The following DYM variants were observed in gnomAD, a reference collection of about 807,000 sequenced individuals.
The protein encoded by DYM is dymeclin.
Under a neutral mutation model 93.1 loss-of-function variants are expected in DYM, and 78 were observed. The observed-to-expected ratio is 0.84, with a 90% CI of 0.70 to 1.01. The LOEUF (loss-of-function observed/expected upper bound fraction) is 1.01, where lower values mean the gene tolerates loss of function less well. Ranked by LOEUF, DYM falls within the 50% of genes least tolerant of loss-of-function variation. The pLI is 0.00. For synonymous variants in DYM, 321 were observed against 319.7 expected (o/e 1.00, Z -0.04); for missense variants, 789 against 845.0 (o/e 0.93, Z 0.82).
intron 7 of DYM, 31 bp from the exon 8 acceptor site, chr18:49,332,037 A>T (rs1261145765): frequency 6.2e-7 from 1 of 1,602,232 alleles, no homozygotes; most frequent in Non-Finnish European, 8.5e-7. Flanking sequence ...AATCAAACTC[A>T]TATTTATGGG....
intron 16 of DYM, among the ~76,000 whole-genome samples, chr18:49,115,422 G>C (rs1245278784): frequency 6.6e-6 from 1 of 152,158 alleles, no homozygotes; most frequent in Non-Finnish European, 1.5e-5. Context: ...TTTACTGCAG[G>C]TGTATATTAG....
At chr18:49,299,129 CACGG>C (rs1350031133) in intron 8 of DYM, among the ~76,000 whole-genome samples, 2 of 152,070 alleles carry the variant, frequency 1.3e-5, no homozygotes, top group South Asian at 2.1e-4. Flanking sequence ...CAAAATGGTA[CACGG>C]ATCAATGATG....
intron 6 of DYM, among the ~76,000 whole-genome samples, chr18:49,361,056 G>A (rs567262650): frequency 6.6e-6 from 1 of 152,208 alleles, no homozygotes; most frequent in Non-Finnish European, 1.5e-5. Context: ...ATGTCACATG[G>A]TCACATGGAA....
At chr18:49,271,630 C>A (rs2094701636) in intron 11 of DYM, among the ~76,000 whole-genome samples, 1 of 151,416 alleles carries the variant, frequency 6.6e-6, no homozygotes, top group African/African-American at 2.4e-5. Context: ...CCTTGTACTT[C>A]TATACAAGTT....
chr18:49,255,373 G>C (rs2094371029), intron 13 of DYM, among the ~76,000 whole-genome samples: 1 of 151,890 alleles, frequency 6.6e-6, no homozygotes, highest in Non-Finnish European at 1.5e-5. Context: ...GTGAAACCCT[G>C]TCTTTAAAAA....
chr18:49,063,402 A>C (rs1391907479), intron 17 of DYM, among the ~76,000 whole-genome samples: 1 of 151,880 alleles, frequency 6.6e-6, no homozygotes, highest in Non-Finnish European at 1.5e-5. Flanking sequence ...ATATATGAAC[A>C]GAACTAAAGA....
chr18:49,420,405 G>A (rs983796098), intron 2 of DYM, among the ~76,000 whole-genome samples: 2 of 152,102 alleles, frequency 1.3e-5, no homozygotes, highest in African/African-American at 4.8e-5. Context: ...CTGAATTCAG[G>A]TGATCCACCT....
intron 17 of DYM, among the ~76,000 whole-genome samples, chr18:49,080,786 G>A (rs1217259746): frequency 6.7e-6 from 1 of 150,220 alleles, no homozygotes; most frequent in Non-Finnish European, 1.5e-5. Context: ...TTCTCAGACG[G>A]GGCGGATGCC....
intron 2 of DYM, among the ~76,000 whole-genome samples, chr18:49,407,998 A>G (rs77562127): frequency 0.092 from 13,709 of 148,680 alleles, 846 homozygotes; most frequent in East Asian, 0.32. Flanking sequence ...AAGAGGCTGA[A>G]GGGGGAGGAC....
At chr18:49,344,241 G>C (rs532248024) in intron 6 of DYM, among the ~76,000 whole-genome samples, 1 of 152,156 alleles carries the variant, frequency 6.6e-6, no homozygotes, top group East Asian at 1.9e-4. Context: ...AGAAACATGT[G>C]GGCAAAATGC....
chr18:49,394,417 G>A (rs1363400570), intron 2 of DYM, among the ~76,000 whole-genome samples: 1 of 152,076 alleles, frequency 6.6e-6, no homozygotes, highest in African/African-American at 2.4e-5. Context: ...GTACCATGCT[G>A]TTTTGGTTAC....
chr18:49,121,771 T>G (rs1195493451), intron 15 of DYM, among the ~76,000 whole-genome samples: 1 of 152,184 alleles, frequency 6.6e-6, no homozygotes, highest in Non-Finnish European at 1.5e-5. Flanking sequence ...CTAAATGTAG[T>G]GGCATCATTA....
chr18:49,378,575 C>A lies in DYM; in HGVS notation c.413G>T (p.Gly138Val), dbSNP rs1352240260. The A allele has an allele frequency of 1.9e-6, 3 of 1,610,142 alleles. No individual in the cohort carries two copies. Among genetic ancestry groups the A allele is most frequent in the Admixed American group, 3.3e-5 (2 of 59,982 alleles). Residue 138 changes from glycine (G) to valine (V), a missense_variant, in exon 5 of 18, where the codon GGC becomes GTC. By Grantham distance (109) the Gly-to-Val change is moderately radical. Coordinates refer to ENST00000675505, the MANE Select transcript of DYM (RefSeq NM_001353214.3). The part of the protein sequence containing the change: ...LHFTYEEKSP[G>V]NYSSDSEDLL... ...TTAAAAACAATACTTACTGTAATTG[C>A]CAGGAGATTTTTCTTCATAAGTAAA...
At chr18:49,236,341 G>A (rs2093860707) in intron 13 of DYM, among the ~76,000 whole-genome samples, 1 of 152,048 alleles carries the variant, frequency 6.6e-6, no homozygotes, top group Non-Finnish European at 1.5e-5. Flanking sequence ...TTAGCAGGGT[G>A]TGGTGGCAGG....
intron 2 of DYM, among the ~76,000 whole-genome samples, chr18:49,404,356 T>C (rs1464808942): frequency 6.6e-6 from 1 of 152,246 alleles, no homozygotes; most frequent in African/African-American, 2.4e-5. Context: ...GTCTTTGCTA[T>C]TGCAAATACT....
intron 13 of DYM, among the ~76,000 whole-genome samples, chr18:49,218,765 G>A (rs2093203702): frequency 6.6e-6 from 1 of 152,132 alleles, no homozygotes; most frequent in Non-Finnish European, 1.5e-5. Flanking sequence ...AGTGTGTAGA[G>A]GGAAATTTAT....
chr18:49,166,044 T>C (rs2087821156), intron 14 of DYM, among the ~76,000 whole-genome samples: 1 of 152,202 alleles, frequency 6.6e-6, no homozygotes, highest in African/African-American at 2.4e-5. Flanking sequence ...ATTTTATTTT[T>C]CTGGGTCTTC....
At position 49,163,783 on chromosome 18, in the gene DYM, A is replaced by G. The variant is rs760386034; in HGVS notation, c.1630T>C (p.Phe544Leu). Residue 544 changes from phenylalanine to leucine, a missense_variant, in exon 15 of 18, where the codon TTT (phenylalanine) becomes CTT (leucine). Physicochemically the swap from Phe to Leu is conservative, Grantham distance 22. Around this residue, in one of 3 missense-constraint regions of DYM, gnomAD observed 225 missense variants for 303.0 expected, o/e 0.74. Transcript: ENST00000675505. ...TTGTGTTTTTTAGACAGCAAAGAAA[A>G]TAAACTGGAAAAACAAACAAAAAAC... ...HILRSYASSL[F>L]SLLSKKHNKV... The G allele has an allele frequency of 6.2e-7, 1 of 1,604,242 alleles. No homozygotes were observed. Among genetic ancestry groups the G allele is most frequent in the Non-Finnish European group, 8.5e-7 (1 of 1,173,682 alleles).
chr18:49,125,548 C>T (rs1216928112), intron 15 of DYM, among the ~76,000 whole-genome samples: 1 of 152,108 alleles, frequency 6.6e-6, no homozygotes, highest in East Asian at 1.9e-4. Flanking sequence ...TATTATAGTC[C>T]AAAAACTATA....
Sources: gnomAD v4.1 joint callset for allele counts (sites outside exome capture counted in the v4.1 genomes callset) on GRCh38, gnomAD v4.1.1 for gene constraint, gnomAD v4.1.1 regional missense constraint, MANE v1.5 for transcripts, NCBI Gene and HGNC (gene_info 2026-07-23, HGNC 2026-07-21) for gene names.